The following MAK variants were observed in gnomAD, a reference collection of about 807,000 sequenced individuals.
MAK encodes the protein serine/threonine-protein kinase MAK.
Under a neutral mutation model 82.6 loss-of-function variants are expected in MAK, and 65 were observed. The ratio of observed to expected loss-of-function variants is 0.79; its 90% confidence interval spans 0.64 to 0.97. The LOEUF (loss-of-function observed/expected upper bound fraction) is 0.97. Among genes scored for constraint, MAK ranks in the 50% least tolerant of loss-of-function variants. The pLI is 0.00. For missense variants in MAK, 703 were observed against 780.2 expected, an observed-to-expected ratio of 0.90 and a Z score of 1.18; for synonymous variants, 250 against 274.2, an observed-to-expected ratio of 0.91 and a Z score of 0.87.
At chr6:10,770,611 CTCTGTG>C (rs1198753690) in intron 13 of MAK, among the ~76,000 whole-genome samples, 1 of 152,146 alleles carries the variant, frequency 6.6e-6, no homozygotes, top group Non-Finnish European at 1.5e-5. Flanking sequence ...CTGAAGTGCT[CTCTGTG>C]TCTGTCTTCA....
intron 7 of MAK, chr6:10,802,292 C>CT (rs1293500716): frequency 6.4e-5 from 31 of 485,642 alleles, no homozygotes; most frequent in South Asian, 2.2e-4. Context: ...ACTTTTATAG[C>CT]TTTTTTTTGT....
At chr6:10,823,307 A>T (rs950991903) in intron 2 of MAK, among the ~76,000 whole-genome samples, 1 of 152,114 alleles carries the variant, frequency 6.6e-6, no homozygotes, top group African/African-American at 2.4e-5. Flanking sequence ...ATCTAATAAC[A>T]CATGGAACTT....
intron 4 of MAK, among the ~76,000 whole-genome samples, chr6:10,816,606 A>G (rs6926961): frequency 0.16 from 24,457 of 152,112 alleles, 1,913 homozygotes; most frequent in Middle Eastern, 0.2. Context: ...CCATCTGCAT[A>G]CATAACTTTT....
intron 2 of MAK, among the ~76,000 whole-genome samples, chr6:10,821,813 T>G (rs1243356173): frequency 6.6e-6 from 1 of 150,450 alleles, no homozygotes; most frequent in African/African-American, 2.5e-5. Context: ...GCCACTGCAC[T>G]CCAGCCTGGG....
intron 11 of MAK, among the ~76,000 whole-genome samples, chr6:10,778,272 G>A (rs1200243374): frequency 6.6e-6 from 1 of 152,192 alleles, no homozygotes; most frequent in Non-Finnish European, 1.5e-5. Flanking sequence ...GACAGTTTTA[G>A]TCATAACTAA....
intron 11 of MAK, among the ~76,000 whole-genome samples, chr6:10,775,911 C>T (rs1037893049): frequency 6.6e-6 from 1 of 152,122 alleles, no homozygotes; most frequent in Non-Finnish European, 1.5e-5. Flanking sequence ...GTCTCAGCCT[C>T]CCGAGTAGCT....
At chr6:10,809,721 A>G (rs915264772) in intron 5 of MAK, among the ~76,000 whole-genome samples, 2 of 152,244 alleles carry the variant, frequency 1.3e-5, no homozygotes, top group African/African-American at 4.8e-5. Flanking sequence ...CAAAATCCCA[A>G]TAATTATAAT....
chr6:10,809,561 AGGCTTGAGTCAGTGCAGCT>A (rs2127565754), intron 5 of MAK, among the ~76,000 whole-genome samples: 1 of 152,312 alleles, frequency 6.6e-6, no homozygotes, highest in African/African-American at 2.4e-5. Context: ...CTTTTTAATC[AGGCTTGAGTCAGTGCAGCT>A]GACTTCTTGA....
At chr6:10,767,434 T>C (rs984228488) in intron 14 of MAK, among the ~76,000 whole-genome samples, 4 of 152,100 alleles carry the variant, frequency 2.6e-5, no homozygotes, top group African/African-American at 9.7e-5. Flanking sequence ...CTTGTTAGTT[T>C]CAAGGCAGGG....
chr6:10,802,231 G>A (rs1250055144), intron 7 of MAK, 172 bp from the exon 8 acceptor site: 3 of 588,856 alleles, frequency 5.1e-6, no homozygotes, highest in African/African-American at 3.7e-5. Flanking sequence ...TTAGTGCTAC[G>A]ACAGTATAGA....
intron 14 of MAK, among the ~76,000 whole-genome samples, chr6:10,767,244 T>C (rs1772529725): frequency 6.6e-6 from 1 of 152,218 alleles, no homozygotes; most frequent in African/African-American, 2.4e-5. Flanking sequence ...GATGCCACTG[T>C]GATACAACTT....
At chr6:10,790,787 T>TA (rs1404571159) in intron 10 of MAK, among the ~76,000 whole-genome samples, 2 of 152,218 alleles carry the variant, frequency 1.3e-5, no homozygotes, top group Admixed American at 6.5e-5. Flanking sequence ...TGTTGAAATG[T>TA]AATCCCCAGT....
At chr6:10,787,367 T>C (rs151298633) in intron 10 of MAK, among the ~76,000 whole-genome samples, 40 of 152,340 alleles carry the variant, frequency 2.6e-4, no homozygotes, top group African/African-American at 7.2e-4. Flanking sequence ...AATTAATCCT[T>C]ACCTGATCTT....
intron 2 of MAK, among the ~76,000 whole-genome samples, chr6:10,830,189 G>A (rs548776108): frequency 2.8e-5 from 4 of 144,700 alleles, no homozygotes; most frequent in Admixed American, 7.1e-5. Context: ...ATTTTTAGAC[G>A]GAGTCTCACT....
At chr6:10,822,104 A>G (rs571935734) in intron 2 of MAK, among the ~76,000 whole-genome samples, 57 of 125,522 alleles carry the variant, frequency 4.5e-4, no homozygotes, top group South Asian at 2.3e-3. Flanking sequence ...CTGAGATCGC[A>G]CCACTGCACT....
chr6:10,808,816 G>A lies in MAK; in HGVS notation c.485C>T (p.Thr162Ile), dbSNP rs774229391. Residue 162 changes from threonine (T) to isoleucine (I), a missense_variant, in exon 6 of 15, where the codon ACC (threonine) becomes ATC (isoleucine). By Grantham distance (89) the Thr-to-Ile change is moderately conservative. Transcript: ENST00000354489. Reference protein sequence around the residue: ...SQPPYTDYVSTRWYRAPEVLL... With the variant: ...SQPPYTDYVSIRWYRAPEVLL... ...CTGCATAACCCCTACTCACCATCTG[G>A]TAGATACATAATCAGTGTATGGTGG... 5.1e-5 allele frequency: 83 copies of A among 1,613,720 alleles called. No individual in the cohort carries two copies. Among genetic ancestry groups the A allele is most frequent in the Non-Finnish European group, 6.8e-5 (80 of 1,179,940 alleles).
At chr6:10,828,490 C>T (rs866230422) in intron 2 of MAK, among the ~76,000 whole-genome samples, 5 of 152,238 alleles carry the variant, frequency 3.3e-5, no homozygotes, top group Admixed American at 2.0e-4. Context: ...CAGACTTTCA[C>T]GGTGTGACAG....
chr6:10,813,168 A>T (rs1219050343), intron 5 of MAK, among the ~76,000 whole-genome samples: 5 of 31,790 alleles, frequency 1.6e-4, no homozygotes, highest in African/African-American at 6.1e-4. Context: ...TTTTTTTTTG[A>T]GATGGAGTCT....
intron 2 of MAK, among the ~76,000 whole-genome samples, chr6:10,827,091 C>A (rs1448254153): frequency 6.6e-6 from 1 of 152,078 alleles, no homozygotes; most frequent in Non-Finnish European, 1.5e-5. Context: ...AGCCTGGCAA[C>A]AGAGCAAGAA....
Sources: gnomAD v4.1 joint callset for allele counts (sites outside exome capture counted in the v4.1 genomes callset) on GRCh38, gnomAD v4.1.1 for gene constraint, MANE v1.5 for transcripts, NCBI Gene and HGNC (gene_info 2026-07-23, HGNC 2026-07-21) for gene names.